ADAMTS12: variants seen among roughly 807,000 people sequenced by gnomAD.
ADAMTS12 encodes the protein ADAM metallopeptidase with thrombospondin type 1 motif 12.
Under a neutral mutation model 167.8 loss-of-function variants are expected in ADAMTS12, and 118 were observed. The observed-to-expected ratio is 0.70, with a 90% CI of 0.61 to 0.82. The LOEUF is 0.82. Among genes scored for constraint, ADAMTS12 ranks in the 40% least tolerant of loss-of-function variants. ADAMTS12 has a pLI of 0.00. For synonymous variants in ADAMTS12, 704 were observed against 716.9 expected (o/e 0.98, Z 0.29); for missense variants, 1,916 against 1,998.8 (o/e 0.96, Z 0.79).
At position 33,793,745 on chromosome 5, in the gene ADAMTS12, G is replaced by A. The variant is rs563673519; in HGVS notation, c.490-42197C>T. Among the ~76,000 whole-genome samples, 4 of 152,064 alleles carry A rather than the reference G, an allele frequency of 2.6e-5. No homozygotes were observed. The South Asian group carries it at 6.3e-4, about 24-fold the overall frequency. ...CACTCAGCTCCCATGCAAACTGAAG[G>A]GCCAATCTCACTCCCACCGTGCCCC... On this transcript the variant is annotated intron_variant, in intron 2 of 23. Coordinates refer to ENST00000504830, the MANE Select transcript of ADAMTS12 (RefSeq NM_030955.4).
chr5:33,627,060 G>A (rs1394295410), intron 13 of ADAMTS12, among the ~76,000 whole-genome samples: 1 of 149,734 alleles, frequency 6.7e-6, no homozygotes, highest in Non-Finnish European at 1.5e-5. Flanking sequence ...ATGTGGTAAT[G>A]GTGGTGGTGA....
chr5:33,845,936 G>T (rs2111618568), intron 2 of ADAMTS12, among the ~76,000 whole-genome samples: 1 of 152,284 alleles, frequency 6.6e-6, no homozygotes, highest in African/African-American at 2.4e-5. Flanking sequence ...ACAACCAGGT[G>T]TTGCAGTGGG....
At position 33,702,337 on chromosome 5, in the gene ADAMTS12, T is replaced by C. The variant is rs79597851; in HGVS notation, c.635-18282A>G. ...CTGCTGCAGCATTACCTGGTATTGT[T>C]GATGTTCATGAGTCTTTAAAGACTT... On this transcript the variant is annotated intron_variant, in intron 3 of 23. Transcript: ENST00000504830. Among the ~76,000 whole-genome samples the C allele has an allele frequency of 4.9e-4, 74 of 152,306 alleles. 2 individuals carry two copies. In the East Asian group the frequency reaches 0.012, roughly 24 times the overall value.
At position 33,683,030 on chromosome 5, in the gene ADAMTS12, G is replaced by A. The variant is rs201677780; in HGVS notation, c.903C>T (p.Leu301=). The A allele has an allele frequency of 1.6e-5, 25 of 1,612,326 alleles. No individual in the cohort carries two copies. The highest frequency in any genetic ancestry group is 2.2e-5 in the East Asian group (1 of 44,752). The part of the protein sequence containing the change: ...IHIVVVRLIL[L]EEEEQGLKIV... ...GAAAAAATGTTACCTCTTCTTCTTCGAGTAGAATGAGCCGAACCACAACAA... is the reference window on the plus strand; with the variant it reads ...GAAAAAATGTTACCTCTTCTTCTTCAAGTAGAATGAGCCGAACCACAACAA... Residue 301 remains leucine, a synonymous_variant, in exon 5 of 24, where the codon CTC becomes CTT. Coordinates refer to ENST00000504830, the MANE Select transcript of ADAMTS12 (RefSeq NM_030955.4).
chr5:33,536,634 G>A (rs1306191165), intron 22 of ADAMTS12, among the ~76,000 whole-genome samples: 1 of 152,140 alleles, frequency 6.6e-6, no homozygotes, highest in Non-Finnish European at 1.5e-5. Context: ...GGCTGGCCTG[G>A]TAGGTGTTAA....
intron 19 of ADAMTS12, among the ~76,000 whole-genome samples, 186 bp downstream of exon 19, chr5:33,575,868 T>A (rs552814898): frequency 2.4e-4 from 37 of 152,276 alleles, no homozygotes; most frequent in African/African-American, 7.9e-4. Flanking sequence ...ATAATTTACA[T>A]AATTTTTTTT....
intron 12 of ADAMTS12, among the ~76,000 whole-genome samples, chr5:33,636,886 C>G (rs78726244): frequency 0.019 from 2,958 of 152,234 alleles, 92 homozygotes; most frequent in African/African-American, 0.068. Context: ...TTTGCCAAGG[C>G]CGCTATTCCA....
intron 17 of ADAMTS12, among the ~76,000 whole-genome samples, chr5:33,591,795 T>G (rs1331353289): frequency 6.6e-6 from 1 of 152,138 alleles, no homozygotes; most frequent in African/African-American, 2.4e-5. Flanking sequence ...TCTGAAGACA[T>G]TTTTCGTCGT....
chr5:33,617,804 C>A (rs1190422791), intron 14 of ADAMTS12, among the ~76,000 whole-genome samples: 3 of 150,870 alleles, frequency 2.0e-5, no homozygotes, highest in African/African-American at 7.3e-5. Flanking sequence ...AAAAAAAAAA[C>A]AATAAATAAC....
At chr5:33,675,797 T>C (rs1240681906) in intron 5 of ADAMTS12, among the ~76,000 whole-genome samples, 2 of 152,194 alleles carry the variant, frequency 1.3e-5, no homozygotes, top group East Asian at 1.9e-4. Context: ...GAAACACTCA[T>C]TTAATTTATT....
At chr5:33,575,712 T>G (rs1306306235) in intron 19 of ADAMTS12, among the ~76,000 whole-genome samples, 2 of 152,176 alleles carry the variant, frequency 1.3e-5, no homozygotes, top group African/African-American at 4.8e-5. Flanking sequence ...GACTGCATAA[T>G]GATTTCAAAG....
chr5:33,704,909 C>A (rs1277832277), intron 3 of ADAMTS12, among the ~76,000 whole-genome samples: 2 of 151,444 alleles, frequency 1.3e-5, no homozygotes, highest in Admixed American at 1.3e-4. Context: ...AATCATTTCC[C>A]AGTCCAATGT....
intron 2 of ADAMTS12, among the ~76,000 whole-genome samples, chr5:33,877,866 C>A (rs1446401184): frequency 6.6e-6 from 1 of 152,136 alleles, no homozygotes; most frequent in Non-Finnish European, 1.5e-5. Context: ...ACTCCAAGAG[C>A]CTCCAACATC....
chr5:33,686,149 A>G (rs895521292), intron 3 of ADAMTS12, among the ~76,000 whole-genome samples: 1 of 152,154 alleles, frequency 6.6e-6, no homozygotes, highest in Non-Finnish European at 1.5e-5. Flanking sequence ...TGTGAGGGTG[A>G]CTGGCAGACA....
intron 2 of ADAMTS12, among the ~76,000 whole-genome samples, chr5:33,804,610 C>T (rs1163633523): frequency 6.6e-6 from 1 of 152,232 alleles, no homozygotes; most frequent in Non-Finnish European, 1.5e-5. Context: ...CTTCCCTCCT[C>T]AGCCTAAGAG....
chr5:33,717,281 C>A (rs1334984790), intron 3 of ADAMTS12, among the ~76,000 whole-genome samples: 1 of 152,060 alleles, frequency 6.6e-6, no homozygotes, highest in African/African-American at 2.4e-5. Context: ...CTCTCTGCAC[C>A]CAAATTTCAT....
At chr5:33,788,551 G>C (rs1249823353) in intron 2 of ADAMTS12, among the ~76,000 whole-genome samples, 1 of 152,124 alleles carries the variant, frequency 6.6e-6, no homozygotes, top group African/African-American at 2.4e-5. Flanking sequence ...TAGTTCCACA[G>C]AATCTCATTT....
intron 3 of ADAMTS12, among the ~76,000 whole-genome samples, chr5:33,712,574 G>A (rs1207956414): frequency 6.6e-6 from 1 of 152,124 alleles, no homozygotes; most frequent in Admixed American, 6.6e-5. Context: ...GTTACTATAG[G>A]TTTTAGGAAT....
chr5:33,612,594 C>T (rs1440748620), intron 16 of ADAMTS12, among the ~76,000 whole-genome samples: 1 of 152,188 alleles, frequency 6.6e-6, no homozygotes, highest in Admixed American at 6.5e-5. Flanking sequence ...AAGATGAGAA[C>T]AAAGGGGATG....
Sources: allele counts gnomAD v4.1 joint callset (sites outside exome capture counted in the v4.1 genomes callset), GRCh38; gene constraint gnomAD v4.1.1; transcripts MANE v1.5; gene names NCBI Gene and HGNC (gene_info 2026-07-23, HGNC 2026-07-21).